Variants in DNAH1 observed in about 807,000 individuals in gnomAD.
The protein encoded by DNAH1 is axonemal beta dynein heavy chain 1.
Under a neutral mutation model 484.3 loss-of-function variants are expected in DNAH1, and 327 were observed. The observed-to-expected ratio is 0.68, with a 90% CI of 0.62 to 0.74. The LOEUF (loss-of-function observed/expected upper bound fraction) is 0.74. Among genes scored for constraint, DNAH1 ranks in the 30% least tolerant of loss-of-function variants. DNAH1 has a pLI of 0.00. For missense variants in DNAH1, 5,052 were observed against 5,546.8 expected (o/e 0.91, Z 2.83); for synonymous variants, 2,192 against 2,191.9 (o/e 1.00, Z 0.00).
At position 52,373,075 on chromosome 3, in the gene DNAH1, C is replaced by T. The variant is rs193136249; in HGVS notation, c.6985+22C>T. ...ATTGGTGAGTGTGGCCGGCCTGGCT[C>T]ACAGGGCAAGGGCTACGCGTGCTGT... is the stretch of plus-strand genomic sequence containing the variant. On this transcript the variant is annotated intron_variant, in intron 44 of 77. Transcript: ENST00000420323. 565 of 1,599,646 alleles carry T rather than the reference C, an allele frequency of 3.5e-4. 1 individual carries two copies. In the African/African-American group the frequency reaches 6.7e-3, roughly 19 times the overall value.
At position 52,357,632 on chromosome 3, in the gene DNAH1, G is replaced by C. The variant is rs140883175; in HGVS notation, c.3877G>C (p.Asp1293His). 2 of 1,600,730 alleles carry C rather than the reference G, an allele frequency of 1.2e-6. No individual in the cohort carries two copies. Among genetic ancestry groups the C allele is most frequent in the Non-Finnish European group, 1.7e-6 (2 of 1,173,252 alleles). ...CCTGCAGGTGATCAATGTGTGTTCC[G>C]ACCTGAGAATGCTGGACAGCCTGCG... is the stretch of plus-strand genomic sequence containing the variant. ...ENREVINVCS[D>H]LRMLDSLRDC... The change falls in exon 23 of 78, where the codon GAC (aspartate) becomes CAC (histidine). Residue 1293 changes from aspartate to histidine, a missense_variant. Around this residue, in one of 4 missense-constraint regions of DNAH1, gnomAD observed 2,929 missense variants for 3,409.4 expected, o/e 0.86. Transcript: ENST00000420323.
In DNAH1 at chr3:52,346,524, G is replaced by T. The variant is rs771126013; in HGVS notation, c.1709G>T (p.Arg570Leu). The change falls in exon 11 of 78, where the codon CGC becomes CTC. Residue 570 changes from arginine to leucine, a missense_variant. Arg to Leu is a moderately radical substitution (Grantham distance 102). Coordinates refer to ENST00000420323, the MANE Select transcript of DNAH1 (RefSeq NM_015512.5). Reference protein sequence around the residue: ...SWISSLKVAMRSSLRDMSKGW... With the variant: ...SWISSLKVAMLSSLRDMSKGW... ...ATCAGCTCGCTAAAGGTGGCCATGC[G>T]CAGCAGCCTGCGCGACATGAGCAAG... The T allele has an allele frequency of 1.9e-6, 3 of 1,613,600 alleles. No homozygotes were observed. Among genetic ancestry groups the T allele is most frequent in the Admixed American group, 1.7e-5 (1 of 59,962 alleles).
At chr3:52,347,766 G>C in intron 11 of DNAH1, 58 bp from the exon 12 acceptor site, 1 of 1,479,694 alleles carries the variant, frequency 6.8e-7, no homozygotes, top group Admixed American at 2.4e-5. Flanking sequence ...GCAGAGGGCT[G>C]CTCCTGCACA....
chr3:52,394,752 A>G, intron 67 of DNAH1, 91 bp downstream of exon 67: 2 of 1,488,896 alleles, frequency 1.3e-6, no homozygotes, highest in South Asian at 1.3e-5. Context: ...CTAAGGGGCC[A>G]CCCAGGGTTG....
In DNAH1 at chr3:52,323,888, C is replaced by A; in HGVS notation, c.406+8C>A. ...ACAAGTTCACCCCAAGAGGTCAGTG[C>A]TCAGGAGGGCTGTGTGAGTGGGTCC... On this transcript the variant is annotated splice_region_variant and intron_variant, in intron 3 of 77. Transcript: ENST00000420323. 1 of 1,565,806 alleles carries A rather than the reference C, an allele frequency of 6.4e-7. No homozygotes were observed. The highest frequency in any genetic ancestry group is 8.7e-7 in the Non-Finnish European group (1 of 1,154,654).
At position 52,372,041 on chromosome 3, in the gene DNAH1, G is replaced by C. The variant is rs1429691745; in HGVS notation, c.6621G>C (p.Val2207=). Residue 2207 remains valine, a synonymous_variant, in exon 42 of 78, where the codon GTG becomes GTC. Transcript: ENST00000420323. ...TCATTGTGCCCACCATGGACACCGT[G>C]CAGATGTCCCATTTACTGGACATGC... The part of the protein sequence containing the change: ...CNIIVPTMDT[V]QMSHLLDMLL... 6.2e-7 allele frequency: 1 copy of C among 1,613,822 alleles called. No individual in the cohort carries two copies. The highest frequency in any genetic ancestry group is 2.2e-5 in the East Asian group (1 of 44,876).
chr3:52,372,312 G>A lies in DNAH1; in HGVS notation c.6752G>A (p.Ser2251Asn). The change falls in exon 43 of 78, where the codon AGC becomes AAC. Residue 2251 changes from serine to asparagine, a missense_variant. Transcript: ENST00000420323. ...LLKNLALDYISHFLTFSARTS... is the reference protein window; with the variant it reads ...LLKNLALDYINHFLTFSARTS... ...AAGAACCTGGCACTGGATTACATCAGCCACTTCCTCACCTTCTCAGCCCGC... is the reference window on the plus strand; with the variant it reads ...AAGAACCTGGCACTGGATTACATCAACCACTTCCTCACCTTCTCAGCCCGC... 1 of 1,613,994 alleles carries A rather than the reference G, an allele frequency of 6.2e-7. No homozygotes were observed. The highest frequency in any genetic ancestry group is 2.2e-5 in the East Asian group (1 of 44,880).
chr3:52,400,342 G>A lies in DNAH1; in HGVS notation c.12694G>A (p.Gly4232Arg), dbSNP rs987606965. 1.2e-6 allele frequency: 2 copies of A among 1,613,978 alleles called. No individual in the cohort carries two copies. The highest frequency in any genetic ancestry group is 1.7e-6 in the Non-Finnish European group (2 of 1,179,884). Residue 4232 changes from glycine (G) to arginine (R), a missense_variant, in exon 78 of 78, where the codon GGA becomes AGA. Around this residue, in one of 4 missense-constraint regions of DNAH1, gnomAD observed 853 missense variants for 899.0 expected, o/e 0.95. Coordinates refer to ENST00000420323, the MANE Select transcript of DNAH1 (RefSeq NM_015512.5). Reference protein sequence around the residue: ...LTRAGTLSTTGHSTNYVIAVE... With the variant: ...LTRAGTLSTTRHSTNYVIAVE... ...CATTCCAGGAACACTATCAACCACAGGACACTCTACCAACTATGTCATTGC... is the reference window on the plus strand; with the variant it reads ...CATTCCAGGAACACTATCAACCACAAGACACTCTACCAACTATGTCATTGC...
rs1401244666 is a variant in DNAH1, at chr3:52,347,835, A to G, written c.1967A>G (p.Asn656Ser). ...LINSPYRPRK[N>S]PLFIMDLVLD... The stretch of plus-strand genomic sequence containing the variant: ...GCCATTGCCTGCAGGCCCCGGAAGA[A>G]TCCCCTGTTCATCATGGACCTGGTG... Residue 656 changes from asparagine (N) to serine (S), a missense_variant, in exon 12 of 78, where the codon AAT (asparagine) becomes AGT (serine). Transcript: ENST00000420323. 7 of 1,591,504 alleles carry G rather than the reference A, an allele frequency of 4.4e-6. No individual in the cohort carries two copies. The African/African-American group carries it at 9.4e-5, about 21-fold the overall frequency.
chr3:52,399,513 T>C lies in DNAH1; in HGVS notation c.12442-32T>C, dbSNP rs369790838. 1.0e-4 allele frequency: 155 copies of C among 1,554,434 alleles called. 1 individual carries two copies. The African/African-American group carries it at 1.8e-3, about 18-fold the overall frequency. ...CTAACCCAGATTCTGGGTATTGTTA[T>C]GTGTGTGGGGTGTGTCTGTGTCTAC... On this transcript the variant is annotated intron_variant, in intron 76 of 77. Transcript: ENST00000420323.
intron 48 of DNAH1, among the ~76,000 whole-genome samples, chr3:52,380,857 G>T (rs1006116441): frequency 6.6e-6 from 1 of 152,238 alleles, no homozygotes. Flanking sequence ...CCTAGATTGG[G>T]CTGGTTGAGA....
At chr3:52,333,575 A>G (rs1701631336) in intron 8 of DNAH1, among the ~76,000 whole-genome samples, 2 of 151,922 alleles carry the variant, frequency 1.3e-5, no homozygotes, top group Non-Finnish European at 2.9e-5. Context: ...TTTAGTAGAG[A>G]TGAGATTTCA....
At position 52,358,459 on chromosome 3, in the gene DNAH1, A is replaced by T; in HGVS notation, c.4087-99A>T. ...ACGGGAAGGCAGGGCTTTCTTCTTG[A>T]GGTGGAGGGCACCGGGCAGGCTTAG... On this transcript the variant is annotated intron_variant, in intron 24 of 77. Coordinates refer to ENST00000420323, the MANE Select transcript of DNAH1 (RefSeq NM_015512.5). This position sits in a 1 kb window ranked among gnomAD's most constrained non-coding sequence, Gnocchi z 4.2. The T allele has an allele frequency of 1.6e-6, 2 of 1,269,248 alleles. No homozygotes were observed. Among genetic ancestry groups the T allele is most frequent in the Non-Finnish European group, 2.1e-6 (2 of 934,492 alleles). 78.6% of individuals were successfully genotyped at this position (1,269,248 alleles called of 1,614,324 possible).
intron 28 of DNAH1, 74 bp downstream of exon 28, chr3:52,360,498 A>G (rs1702810139): frequency 7.9e-7 from 1 of 1,270,826 alleles, no homozygotes; most frequent in Non-Finnish European, 1.1e-6. Flanking sequence ...GAATCCAGGG[A>G]CCATGGCCAC....
In DNAH1 at chr3:52,364,821, C is replaced by T; in HGVS notation, c.5332-12C>T. On this transcript the variant is annotated splice_polypyrimidine_tract_variant and intron_variant, in intron 33 of 77. Coordinates refer to ENST00000420323, the MANE Select transcript of DNAH1 (RefSeq NM_015512.5). This position sits in a 1 kb window ranked among gnomAD's most constrained non-coding sequence, Gnocchi z 4.2. ...CCCACTGCCCTGAAGGCTCAGCCGG[C>T]ACCTGCTGCAGGAGCTGATCTGCCT... 6.2e-7 allele frequency: 1 copy of T among 1,611,036 alleles called. No homozygotes were observed. Among genetic ancestry groups the T allele is most frequent in the South Asian group, 1.1e-5 (1 of 90,872 alleles).
chr3:52,348,712 C>A lies in DNAH1; in HGVS notation c.2107-176C>A, dbSNP rs113578349. ...CCTTGTAAAGAGACAGCACAGCAAA[C>A]CCCCTTCTCCCGCTGCATCCCTCCT... On this transcript the variant is annotated intron_variant, in intron 12 of 77. Transcript: ENST00000420323. Among the ~76,000 whole-genome samples, 530 of 152,308 alleles carry A rather than the reference C, an allele frequency of 3.5e-3. 1 individual carries two copies. The highest frequency in any genetic ancestry group is 0.012 in the African/African-American group (513 of 41,562).
chr3:52,373,233 A>ACGGCTGC (rs1703429082), intron 44 of DNAH1, among the ~76,000 whole-genome samples, 180 bp downstream of exon 44: 1 of 152,022 alleles, frequency 6.6e-6, no homozygotes, highest in Non-Finnish European at 1.5e-5. Context: ...CGCCGCCGCC[A>ACGGCTGC]CGGCTGCCGC....
chr3:52,322,856 T>C (rs1701199700), intron 2 of DNAH1, 81 bp downstream of exon 2: 1 of 1,224,228 alleles, frequency 8.2e-7, no homozygotes, highest in East Asian at 2.5e-5. Flanking sequence ...CTTCTCCCCA[T>C]CAGTCAGTCC....
upstream of DNAH1, among the ~76,000 whole-genome samples, chr3:52,314,849 A>G (rs1404270720): frequency 6.6e-6 from 1 of 151,996 alleles, no homozygotes; most frequent in Non-Finnish European, 1.5e-5. Flanking sequence ...GCTGCACAGG[A>G]GTAAAGGTGG....
Sources: allele counts gnomAD v4.1 joint callset (sites outside exome capture counted in the v4.1 genomes callset), GRCh38; gene constraint gnomAD v4.1.1; regional missense constraint gnomAD v4.1.1; non-coding constraint Gnocchi (gnomAD v3.1); transcripts MANE v1.5; gene names NCBI Gene and HGNC (gene_info 2026-07-23, HGNC 2026-07-21).